Variants in ELL observed in about 807,000 individuals in gnomAD.
ELL encodes elongation factor for RNA polymerase II, also known as RNA polymerase II elongation factor ELL.
Under a neutral mutation model 64.0 loss-of-function variants are expected in ELL, and 18 were observed. The observed-to-expected ratio is 0.28, with a 90% CI of 0.19 to 0.42. ELL has a LOEUF of 0.42. Ranked by LOEUF, ELL falls within the 10% of genes least tolerant of loss-of-function variation. The pLI is 1.00. For synonymous variants in ELL, 399 were observed against 376.2 expected, an observed-to-expected ratio of 1.06 and a Z score of -0.70; for missense variants, 797 against 870.4, an observed-to-expected ratio of 0.92 and a Z score of 1.06.
At chr19:18,464,517 T>C (rs1311122797) in intron 4 of ELL, among the ~76,000 whole-genome samples, 1 of 152,134 alleles carries the variant, frequency 6.6e-6, no homozygotes, top group African/African-American at 2.4e-5. Context: ...GACTCAGTGT[T>C]GACCAGGAAG....
At chr19:18,492,304 G>A (rs1975549699) in intron 1 of ELL, among the ~76,000 whole-genome samples, 1 of 152,212 alleles carries the variant, frequency 6.6e-6, no homozygotes, top group Non-Finnish European at 1.5e-5. Flanking sequence ...GCTCCCCACT[G>A]CCCTATGTGC....
intron 1 of ELL, among the ~76,000 whole-genome samples, chr19:18,491,249 ATTTTTTTT>A (rs565016319): frequency 2.2e-4 from 16 of 72,460 alleles, no homozygotes; most frequent in East Asian, 5.1e-4. Flanking sequence ...CACCTGGCTA[ATTTTTTTT>A]TTTTTTTTTT....
chr19:18,461,147 C>T (rs545936396), intron 5 of ELL, among the ~76,000 whole-genome samples: 1 of 152,344 alleles, frequency 6.6e-6, no homozygotes, highest in South Asian at 2.1e-4. Context: ...AGCCCCTCAC[C>T]CGGAGGCGCA....
chr19:18,476,436 A>G (rs1331274749), intron 1 of ELL, among the ~76,000 whole-genome samples: 2 of 152,160 alleles, frequency 1.3e-5, no homozygotes, highest in Non-Finnish European at 2.9e-5. Context: ...CAGCTGTGCA[A>G]GGCTGAGGGT....
chr19:18,479,021 C>T (rs572199734), intron 1 of ELL, among the ~76,000 whole-genome samples: 1 of 152,356 alleles, frequency 6.6e-6, no homozygotes, highest in South Asian at 2.1e-4. Flanking sequence ...CCTCTCCCCT[C>T]CGGCAAAGAG....
intron 5 of ELL, among the ~76,000 whole-genome samples, 187 bp from the exon 6 acceptor site, chr19:18,458,516 A>G (rs574215262): frequency 1.3e-5 from 2 of 152,244 alleles, no homozygotes; most frequent in East Asian, 3.9e-4. Context: ...TCCCCCGCAC[A>G]CAATCCTCAG....
At chr19:18,457,437 G>C (rs904933832) in intron 6 of ELL, among the ~76,000 whole-genome samples, 1 of 152,216 alleles carries the variant, frequency 6.6e-6, no homozygotes. Flanking sequence ...TGCACACCCA[G>C]GGTGGACAGG....
At chr19:18,474,119 C>T (rs1416293984) in intron 1 of ELL, among the ~76,000 whole-genome samples, 1 of 152,244 alleles carries the variant, frequency 6.6e-6, no homozygotes, top group Non-Finnish European at 1.5e-5. Flanking sequence ...TGTTCCAGGA[C>T]TCCAGCTTGA....
At chr19:18,505,707 G>T (rs1432433099) in intron 1 of ELL, among the ~76,000 whole-genome samples, 2 of 152,172 alleles carry the variant, frequency 1.3e-5, no homozygotes, top group Non-Finnish European at 2.9e-5. Context: ...GACGGGAGAG[G>T]AGTGGGGGCC....
intron 2 of ELL, among the ~76,000 whole-genome samples, chr19:18,467,032 G>GCA (rs1974952956): frequency 6.6e-6 from 1 of 152,202 alleles, no homozygotes; most frequent in Non-Finnish European, 1.5e-5. Context: ...ACGTGGAGGA[G>GCA]CACCAATCCC....
chr19:18,494,555 T>A (rs969137090), intron 1 of ELL, among the ~76,000 whole-genome samples: 4 of 152,110 alleles, frequency 2.6e-5, no homozygotes, highest in Non-Finnish European at 2.9e-5. Context: ...CACACCTGAC[T>A]AATTTTTGTA....
At chr19:18,455,143 A>G (rs1236758219) in intron 6 of ELL, among the ~76,000 whole-genome samples, 6 of 49,712 alleles carry the variant, frequency 1.2e-4, no homozygotes, top group Non-Finnish European at 1.8e-4. Context: ...TCCCTCTCCA[A>G]AAAAAAAAAA....
chr19:18,471,003 T>C (rs1975053327), intron 2 of ELL: 3 of 456,388 alleles, frequency 6.6e-6, no homozygotes, highest in Admixed American at 2.3e-5. Context: ...ATCATGTCCA[T>C]ATCCCCACAT....
Position 18,444,542 on chromosome 19 carries a change from T to C in ELL, c.*210A>G. ...GGCAGTGGGCTTCCTGGGGAGCCCATCATAAGCAGGGACTGCTCAGGAAGC... is the reference window on the plus strand; with the variant it reads ...GGCAGTGGGCTTCCTGGGGAGCCCACCATAAGCAGGGACTGCTCAGGAAGC... On this transcript the variant is annotated 3_prime_UTR_variant, in exon 12 of 12. Coordinates refer to ENST00000262809, the MANE Select transcript of ELL (RefSeq NM_006532.4). The C allele has an allele frequency of 2.0e-6, 1 of 499,458 alleles. No homozygotes were observed. Among genetic ancestry groups the C allele is most frequent in the Non-Finnish European group, 3.5e-6 (1 of 283,162 alleles). The allele number at this position is 499,458 out of a possible 1,614,324, so 30.9% of individuals were successfully genotyped here.
At chr19:18,499,729 G>C (rs752619794) in intron 1 of ELL, among the ~76,000 whole-genome samples, 1 of 152,302 alleles carries the variant, frequency 6.6e-6, no homozygotes, top group African/African-American at 2.4e-5. Context: ...ATCTGCTCCC[G>C]AGACAGAGGA....
At chr19:18,469,774 G>T (rs1413405111) in intron 2 of ELL, among the ~76,000 whole-genome samples, 1 of 152,192 alleles carries the variant, frequency 6.6e-6, no homozygotes, top group Non-Finnish European at 1.5e-5. Flanking sequence ...AGGGGGCGTT[G>T]CTTCCACCAC....
intron 1 of ELL, among the ~76,000 whole-genome samples, chr19:18,502,916 G>A (rs970836104): frequency 3.9e-5 from 6 of 152,186 alleles, no homozygotes; most frequent in African/African-American, 9.7e-5. Flanking sequence ...GCAGAGCTTC[G>A]GTTATTAACA....
chr19:18,472,708 C>T, intron 2 of ELL, 127 bp downstream of exon 2: 2 of 1,198,796 alleles, frequency 1.7e-6, no homozygotes, highest in Non-Finnish European at 2.4e-6. Context: ...TAGAACCCAG[C>T]CTTGCATGGT....
chr19:18,481,190 A>G (rs143660336), intron 1 of ELL, among the ~76,000 whole-genome samples: 2 of 152,104 alleles, frequency 1.3e-5, no homozygotes, highest in East Asian at 1.9e-4. Context: ...TTTTGTCCCT[A>G]TGGTTTTGCC....
Sources: gnomAD v4.1 joint callset for allele counts (sites outside exome capture counted in the v4.1 genomes callset) on GRCh38, gnomAD v4.1.1 for gene constraint, MANE v1.5 for transcripts, NCBI Gene and HGNC (gene_info 2026-07-23, HGNC 2026-07-21) for gene names.